RGS6: variants seen among roughly 807,000 people sequenced by gnomAD.
RGS6 encodes the protein regulator of G-protein signaling 6.
RGS6 carries 30 observed loss-of-function variants against 78.5 expected under a neutral mutation model. That is an observed-to-expected ratio of 0.38 (90% CI 0.29 to 0.52). The LOEUF is 0.52. Among genes scored for constraint, RGS6 ranks in the 20% least tolerant of loss-of-function variants. The pLI is 0.85. For synonymous variants in RGS6, 206 were observed against 206.0 expected, an observed-to-expected ratio of 1.00 and a Z score of 0.00; for missense variants, 495 against 609.7, an observed-to-expected ratio of 0.81 and a Z score of 1.98.
chr14:72,066,930 G>T (rs1567136328), intron 2 of RGS6, among the ~76,000 whole-genome samples: 1 of 151,548 alleles, frequency 6.6e-6, no homozygotes. Flanking sequence ...TGGAATTTAA[G>T]ATTTTTGTGC....
chr14:71,921,316 C>T, the RGS6 span, among the ~76,000 whole-genome samples: 1 of 151,100 alleles, frequency 6.6e-6, no homozygotes, highest in Non-Finnish European at 1.5e-5. Context: ...AAAAAGGGTT[C>T]CCCCAGGGAT....
intron 16 of RGS6, chr14:72,537,562 A>G (rs1317874787): frequency 1.4e-6 from 1 of 702,190 alleles, no homozygotes; most frequent in African/African-American, 1.7e-5. Flanking sequence ...CCTCCTGTCG[A>G]TTCCCCTGCT....
At chr14:72,248,352 G>A (rs2054759786) in intron 2 of RGS6, among the ~76,000 whole-genome samples, 1 of 152,156 alleles carries the variant, frequency 6.6e-6, no homozygotes, top group African/African-American at 2.4e-5. Context: ...TCTTCTCATG[G>A]AGTTTTTTGT....
chr14:72,483,587 A>C (rs1341816329), intron 12 of RGS6, among the ~76,000 whole-genome samples: 1 of 152,136 alleles, frequency 6.6e-6, no homozygotes, highest in East Asian at 1.9e-4. Flanking sequence ...TGGGAACTTA[A>C]TGTCTAATTA....
At chr14:72,118,272 C>A (rs1271817784) in intron 2 of RGS6, among the ~76,000 whole-genome samples, 2 of 152,114 alleles carry the variant, frequency 1.3e-5, no homozygotes, top group Non-Finnish European at 2.9e-5. Flanking sequence ...AAAATACCCT[C>A]CTGTCCAGTT....
intron 2 of RGS6, among the ~76,000 whole-genome samples, chr14:72,212,434 G>A (rs1374448269): frequency 6.6e-6 from 1 of 152,204 alleles, no homozygotes; most frequent in Non-Finnish European, 1.5e-5. Context: ...ATAGTGTTAT[G>A]ATTTATGAGG....
At chr14:72,012,054 C>T (rs1370991509) in intron 2 of RGS6, among the ~76,000 whole-genome samples, 2 of 151,980 alleles carry the variant, frequency 1.3e-5, no homozygotes, top group Non-Finnish European at 2.9e-5. Flanking sequence ...TGGCTGGGAA[C>T]ACAACCAAAA....
chr14:72,299,950 T>C (rs761567319), intron 2 of RGS6, among the ~76,000 whole-genome samples: 4 of 152,196 alleles, frequency 2.6e-5, no homozygotes, highest in Non-Finnish European at 5.9e-5. Context: ...TGCCGACTTT[T>C]GGTTTTATCA....
At chr14:72,166,786 A>G (rs1426055092) in intron 2 of RGS6, among the ~76,000 whole-genome samples, 1 of 152,202 alleles carries the variant, frequency 6.6e-6, no homozygotes, top group Non-Finnish European at 1.5e-5. Context: ...GAGGGTAATG[A>G]TCAATCGCCA....
At chr14:72,132,504 C>T (rs541176071) in intron 2 of RGS6, among the ~76,000 whole-genome samples, 5 of 152,222 alleles carry the variant, frequency 3.3e-5, no homozygotes, top group South Asian at 2.1e-4. Context: ...GTCTCAAACT[C>T]CTGACCTCAA....
At chr14:71,951,299 C>T (rs951030250) in intron 1 of RGS6, among the ~76,000 whole-genome samples, 8 of 151,888 alleles carry the variant, frequency 5.3e-5, no homozygotes, top group South Asian at 2.1e-4. Flanking sequence ...AGCAAACAAA[C>T]GCAGGAGCAG....
intron 7 of RGS6, among the ~76,000 whole-genome samples, chr14:72,468,485 T>A (rs1176610806): frequency 6.6e-6 from 1 of 152,242 alleles, no homozygotes; most frequent in Non-Finnish European, 1.5e-5. Context: ...AATAATTTTT[T>A]TATGAATTTT....
At chr14:72,403,926 A>G (rs2092693384) in intron 3 of RGS6, among the ~76,000 whole-genome samples, 2 of 152,346 alleles carry the variant, frequency 1.3e-5, no homozygotes, top group Admixed American at 6.5e-5. Flanking sequence ...AACCTGTAAT[A>G]AAGTTACTGA....
At chr14:72,107,856 A>C (rs940682411) in intron 2 of RGS6, among the ~76,000 whole-genome samples, 3 of 147,598 alleles carry the variant, frequency 2.0e-5, no homozygotes, top group African/African-American at 4.9e-5. Context: ...TTACACACAC[A>C]ATATTAATAC....
intron 2 of RGS6, among the ~76,000 whole-genome samples, chr14:72,078,036 GT>G (rs1338274501): frequency 6.6e-6 from 1 of 152,094 alleles, no homozygotes; most frequent in Admixed American, 6.5e-5. Context: ...TTGGATCTCT[GT>G]CCCCACCAAA....
intron 2 of RGS6, among the ~76,000 whole-genome samples, chr14:72,187,336 C>T (rs2097261410): frequency 6.6e-6 from 1 of 152,164 alleles, no homozygotes; most frequent in South Asian, 2.1e-4. Flanking sequence ...AAAGATGCCT[C>T]TATCATGTGG....
chr14:72,114,382 C>T (rs2095842306), intron 2 of RGS6, among the ~76,000 whole-genome samples: 2 of 152,148 alleles, frequency 1.3e-5, no homozygotes, highest in Admixed American at 1.3e-4. Context: ...AAGTCTTTAC[C>T]TTCTGAAAGC....
intron 2 of RGS6, among the ~76,000 whole-genome samples, chr14:72,201,552 TA>T (rs1264358484): frequency 2.0e-5 from 3 of 152,226 alleles, no homozygotes; most frequent in Admixed American, 2.0e-4. Context: ...AACAGTACTC[TA>T]AGTTAATCTA....
intron 2 of RGS6, among the ~76,000 whole-genome samples, chr14:72,116,774 G>A (rs1385697569): frequency 1.3e-5 from 2 of 151,874 alleles, no homozygotes; most frequent in African/African-American, 2.4e-5. Context: ...AACCAGCCTG[G>A]CCATCATGGT....
Sources: allele counts gnomAD v4.1 joint callset (sites outside exome capture counted in the v4.1 genomes callset), GRCh38; gene constraint gnomAD v4.1.1; transcripts MANE v1.5; gene names NCBI Gene and HGNC (gene_info 2026-07-23, HGNC 2026-07-21).